Variants in NRXN1 observed in about 807,000 individuals in gnomAD.
NRXN1 encodes neurexin-1.
NRXN1 carries 39 observed loss-of-function variants against 150.9 expected under a neutral mutation model. The ratio of observed to expected loss-of-function variants is 0.26; its 90% CI spans 0.20 to 0.34. The LOEUF (loss-of-function observed/expected upper bound fraction) is 0.34. Ranked by LOEUF, NRXN1 falls within the 10% of genes least tolerant of loss-of-function variation. The probability of loss-of-function intolerance (pLI) is 1.00; values close to 1 mark genes in which losing one functional copy is unlikely to be tolerated. For missense variants in NRXN1, 1,815 were observed against 1,949.9 expected (o/e 0.93, Z 1.30); for synonymous variants, 924 against 757.0 (o/e 1.22, Z -3.62).
Position 50,441,662 on chromosome 2 carries a change from T to C in NRXN1, c.3364+23780A>G, listed in dbSNP as rs1174265887. 2.0e-5 allele frequency among the ~76,000 whole-genome samples: 3 copies of C among 152,208 alleles called. No homozygotes were observed. The South Asian group carries it at 6.2e-4, about 31-fold the overall frequency. Reference sequence around the variant, plus strand: ...GTCTGTATAACTTGTTCTGGGCTTTTTATTTTGAAAATCAATTATTTTAAG... The same window carrying C: ...GTCTGTATAACTTGTTCTGGGCTTTCTATTTTGAAAATCAATTATTTTAAG... On this transcript the variant is annotated intron_variant, in intron 17 of 22. Coordinates refer to ENST00000401669, the MANE Select transcript of NRXN1 (RefSeq NM_001330078.2).
chr2:50,514,159 A>G (rs2092556322), intron 12 of NRXN1, among the ~76,000 whole-genome samples: 2 of 152,120 alleles, frequency 1.3e-5, no homozygotes, highest in African/African-American at 2.4e-5. Context: ...GAAGATTTTG[A>G]TGGGTATTTC....
chr2:51,031,192 G>T (rs1671488761), intron 1 of NRXN1, among the ~76,000 whole-genome samples: 1 of 152,014 alleles, frequency 6.6e-6, no homozygotes, highest in South Asian at 2.1e-4. Flanking sequence ...AGAAAGACCT[G>T]GCCAGTTCAC....
At chr2:49,978,748 T>C (rs1002772887) in intron 21 of NRXN1, among the ~76,000 whole-genome samples, 3 of 146,200 alleles carry the variant, frequency 2.1e-5, no homozygotes, top group African/African-American at 7.6e-5. Context: ...CACAAACCCA[T>C]GGATATTATT....
At chr2:50,451,975 C>T (rs1356801403) in intron 17 of NRXN1, among the ~76,000 whole-genome samples, 2 of 152,230 alleles carry the variant, frequency 1.3e-5, no homozygotes, top group East Asian at 1.9e-4. Flanking sequence ...TATTTACATA[C>T]CAGTAATAAT....
At chr2:50,148,144 C>G (rs2058468317) in intron 18 of NRXN1, among the ~76,000 whole-genome samples, 1 of 151,518 alleles carries the variant, frequency 6.6e-6, no homozygotes, top group Admixed American at 6.6e-5. Context: ...TGATGATGAT[C>G]TGGTATCTGT....
At chr2:51,004,979 T>C (rs1700532379) in intron 2 of NRXN1, among the ~76,000 whole-genome samples, 1 of 152,020 alleles carries the variant, frequency 6.6e-6, no homozygotes, top group African/African-American at 2.4e-5. Context: ...ATAGTCACTA[T>C]AATATGCATG....
rs116640508 is a variant in NRXN1, at chr2:50,676,655, G to A, written c.833-53040C>T. Among the ~76,000 whole-genome samples, 560 of 152,186 alleles carry A rather than the reference G, an allele frequency of 3.7e-3. 3 individuals carry two copies. The highest frequency in any genetic ancestry group is 0.01 in the Middle Eastern group (3 of 294). ...CCATTCAGTAAATGTTAGCTCTAAT[G>A]ATAACAGTAATTGGTATTATTATTA... On this transcript the variant is annotated intron_variant, in intron 5 of 22. Coordinates refer to ENST00000401669, the MANE Select transcript of NRXN1 (RefSeq NM_001330078.2).
chr2:51,002,837 T>C (rs994144575), intron 2 of NRXN1, among the ~76,000 whole-genome samples: 1 of 152,000 alleles, frequency 6.6e-6, no homozygotes, highest in African/African-American at 2.4e-5. Context: ...TTTCTTTCTC[T>C]GTTCATCTCT....
At chr2:51,022,330 A>G (rs760253809) in intron 2 of NRXN1, among the ~76,000 whole-genome samples, 4 of 152,120 alleles carry the variant, frequency 2.6e-5, no homozygotes, top group African/African-American at 4.8e-5. Flanking sequence ...AGATAACACA[A>G]TTGAGGAATA....
chr2:50,996,738 G>A (rs1331599934), intron 2 of NRXN1, among the ~76,000 whole-genome samples: 1 of 146,592 alleles, frequency 6.8e-6, no homozygotes, highest in African/African-American at 2.8e-5. Context: ...CTAGAAAATT[G>A]GCTGAGCTAG....
chr2:50,869,945 CA>C (rs1677515263), intron 5 of NRXN1, among the ~76,000 whole-genome samples: 1 of 151,812 alleles, frequency 6.6e-6, no homozygotes. Flanking sequence ...AATACCATGA[CA>C]AGTTTGGGGA....
intron 5 of NRXN1, among the ~76,000 whole-genome samples, chr2:50,816,458 A>T (rs1476000253): frequency 6.6e-6 from 1 of 152,160 alleles, no homozygotes; most frequent in Non-Finnish European, 1.5e-5. Context: ...TCTTGAAGCT[A>T]TCTTGTGTGC....
intron 17 of NRXN1, among the ~76,000 whole-genome samples, chr2:50,398,305 T>C (rs1036448062): frequency 1.3e-5 from 2 of 152,168 alleles, no homozygotes; most frequent in African/African-American, 2.4e-5. Context: ...CTGGCTATTG[T>C]ACTCATTATC....
chr2:50,701,210 C>A (rs1017919621), intron 5 of NRXN1, among the ~76,000 whole-genome samples: 1 of 151,970 alleles, frequency 6.6e-6, no homozygotes, highest in Non-Finnish European at 1.5e-5. Context: ...TAAAAATATA[C>A]AGAGAAAAGT....
At chr2:50,126,496 CA>C (rs5831091) in intron 18 of NRXN1, among the ~76,000 whole-genome samples, 29 of 150,502 alleles carry the variant, frequency 1.9e-4, no homozygotes, top group African/African-American at 4.1e-4. Flanking sequence ...TATGGATTTA[CA>C]AAAAAAAATT....
At chr2:50,026,849 C>G (rs1262892289) in intron 21 of NRXN1, among the ~76,000 whole-genome samples, 8 of 66,708 alleles carry the variant, frequency 1.2e-4, no homozygotes, top group African/African-American at 5.7e-4. Context: ...TTGTTTAAGT[C>G]TTTTCTTTTC....
intron 21 of NRXN1, chr2:49,974,274 C>T: frequency 1.7e-6 from 1 of 586,720 alleles, no homozygotes; most frequent in Non-Finnish European, 3.2e-6. Flanking sequence ...TGCTGCAGTT[C>T]CGTCTGCAGT....
intron 8 of NRXN1, among the ~76,000 whole-genome samples, chr2:50,604,289 C>T (rs986242801): frequency 3.9e-5 from 6 of 152,084 alleles, no homozygotes; most frequent in South Asian, 2.1e-4. Context: ...GTTAAAAATG[C>T]GGGTCTACTG....
intron 5 of NRXN1, among the ~76,000 whole-genome samples, chr2:50,683,561 G>A (rs1212258465): frequency 7.1e-6 from 1 of 141,590 alleles, no homozygotes; most frequent in African/African-American, 2.7e-5. Context: ...GAACCCGGGA[G>A]GCAGACTGTG....
Sources: gnomAD v4.1 joint callset for allele counts (sites outside exome capture counted in the v4.1 genomes callset) on GRCh38, gnomAD v4.1.1 for gene constraint, MANE v1.5 for transcripts, NCBI Gene and HGNC (gene_info 2026-07-23, HGNC 2026-07-21) for gene names.